DLGAP2: variants seen among roughly 807,000 people sequenced by gnomAD.
DLGAP2 encodes disks large-associated protein 2.
In DLGAP2, 26 loss-of-function variants were observed where a neutral mutation model predicts 100.3. The observed-to-expected ratio is 0.26, with a 90% CI of 0.19 to 0.36. The LOEUF (loss-of-function observed/expected upper bound fraction) is 0.36, where lower values mean the gene tolerates loss of function less well. Ranked by LOEUF, DLGAP2 falls within the 10% of genes least tolerant of loss-of-function variation. The probability of loss-of-function intolerance (pLI) is 1.00; values close to 1 mark genes in which losing one functional copy is unlikely to be tolerated. For synonymous variants in DLGAP2, 886 were observed against 630.1 expected (o/e 1.41, Z -6.08); for missense variants, 1,858 against 1,453.2 (o/e 1.28, Z -4.53).
chr8:1,278,361 C>A, intron 3 of DLGAP2, among the ~76,000 whole-genome samples: 1 of 152,190 alleles, frequency 6.6e-6, no homozygotes, highest in Admixed American at 6.5e-5. Flanking sequence ...GGACTCTGCT[C>A]CCCATGTCAT....
chr8:1,635,607 A>G (rs1380162211), intron 8 of DLGAP2, among the ~76,000 whole-genome samples: 2 of 152,206 alleles, frequency 1.3e-5, no homozygotes, highest in East Asian at 1.9e-4. Context: ...CCAAAGAGTT[A>G]TTTTTGAAAA....
intron 2 of DLGAP2, among the ~76,000 whole-genome samples, chr8:1,044,764 T>C (rs1802470376): frequency 6.6e-6 from 1 of 152,200 alleles, no homozygotes; most frequent in Admixed American, 6.5e-5. Flanking sequence ...GGCTGCTCCA[T>C]ACCCCCTCGC....
chr8:881,072 T>C (rs969734560), intron 1 of DLGAP2, among the ~76,000 whole-genome samples: 1 of 152,236 alleles, frequency 6.6e-6, no homozygotes, highest in African/African-American at 2.4e-5. Flanking sequence ...TCAGGTGATA[T>C]TCACAAGAAT....
At chr8:1,381,138 G>T (rs1176144521) in intron 3 of DLGAP2, 1 of 152,052 alleles carries the variant, frequency 6.6e-6, no homozygotes, top group Non-Finnish European at 1.5e-5. Flanking sequence ...GACGGAAAAG[G>T]CTTCATACGT....
intron 2 of DLGAP2, among the ~76,000 whole-genome samples, chr8:1,191,121 A>G (rs1243192982): frequency 6.6e-6 from 1 of 151,996 alleles, no homozygotes; most frequent in East Asian, 1.9e-4. Context: ...GTCTTGCAAT[A>G]CATTTTGTGA....
intron 1 of DLGAP2, among the ~76,000 whole-genome samples, chr8:857,408 C>T (rs966786720): frequency 2.6e-5 from 4 of 152,130 alleles, no homozygotes; most frequent in East Asian, 1.9e-4. Flanking sequence ...AAGTCCAGAC[C>T]GGGAGAAAAT....
chr8:1,257,308 CCT>C (rs1354530898), intron 2 of DLGAP2, among the ~76,000 whole-genome samples: 2 of 152,252 alleles, frequency 1.3e-5, no homozygotes, highest in Non-Finnish European at 2.9e-5. Flanking sequence ...ACCATGAGAG[CCT>C]GTGAGGCTCT....
rs374772912 is a variant in DLGAP2 at position 1,416,745 on chromosome 8, G to A, written c.107-84621G>A. Among the ~76,000 whole-genome samples, 91 of 152,300 alleles carry A rather than the reference G, an allele frequency of 6.0e-4. 1 individual carries two copies. Among genetic ancestry groups the A allele is most frequent in the African/African-American group, 2.1e-3 (87 of 41,578 alleles). On this transcript the variant is annotated intron_variant, in intron 3 of 14. Coordinates refer to ENST00000637795, the MANE Select transcript of DLGAP2 (RefSeq NM_001346810.2). ...AAACCAGGTAGTAAGAAAAGGAATC[G>A]GACGTGTTGGCTGCTTAAGAGGAGA...
At chr8:840,534 T>C (rs1796962541) in intron 1 of DLGAP2, among the ~76,000 whole-genome samples, 1 of 83,982 alleles carries the variant, frequency 1.2e-5, no homozygotes, top group African/African-American at 4.3e-5. Context: ...CGCCTGCACG[T>C]CTCCCCACAC....
intron 2 of DLGAP2, among the ~76,000 whole-genome samples, chr8:1,128,190 G>A (rs1180952012): frequency 1.3e-5 from 2 of 151,496 alleles, no homozygotes; most frequent in Non-Finnish European, 1.5e-5. Flanking sequence ...CCTGCTCCCC[G>A]TGTTGTGTTC....
At chr8:1,496,373 A>T (rs891397564) in intron 3 of DLGAP2, among the ~76,000 whole-genome samples, 1 of 151,920 alleles carries the variant, frequency 6.6e-6, no homozygotes, top group Non-Finnish European at 1.5e-5. Context: ...TCCTCTGAGT[A>T]TGCGCTCTGC....
intron 2 of DLGAP2, among the ~76,000 whole-genome samples, chr8:1,113,720 C>T (rs1430478086): frequency 6.6e-6 from 1 of 152,116 alleles, no homozygotes; most frequent in African/African-American, 2.4e-5. Context: ...CTGGCCAGAA[C>T]TTCCAATACT....
chr8:1,476,208 C>G lies in DLGAP2; in HGVS notation c.107-25158C>G, dbSNP rs141185544. ...TGCTTTCATGGATGCGTGGCTCGTC[C>G]TGGTACATCTCTTAGCTTTTAGTTC... On this transcript the variant is annotated intron_variant, in intron 3 of 14. Coordinates refer to ENST00000637795, the MANE Select transcript of DLGAP2 (RefSeq NM_001346810.2). Among the ~76,000 whole-genome samples, 19 of 152,308 alleles carry G rather than the reference C, an allele frequency of 1.2e-4. No homozygotes were observed. The East Asian group carries it at 3.7e-3, about 29-fold the overall frequency.
intron 1 of DLGAP2, among the ~76,000 whole-genome samples, chr8:818,614 C>T (rs917357158): frequency 3.3e-5 from 5 of 152,184 alleles, no homozygotes; most frequent in Admixed American, 2.6e-4. Flanking sequence ...TCTGTACATC[C>T]GAGTGGGAGC....
At chr8:1,038,985 A>G (rs536298088) in intron 2 of DLGAP2, among the ~76,000 whole-genome samples, 18 of 152,340 alleles carry the variant, frequency 1.2e-4, no homozygotes, top group African/African-American at 4.1e-4. Flanking sequence ...CTGAAATCAT[A>G]TAGCCTGTTA....
intron 2 of DLGAP2, among the ~76,000 whole-genome samples, chr8:1,106,605 C>T (rs1332852830): frequency 6.7e-6 from 1 of 148,372 alleles, no homozygotes; most frequent in Non-Finnish European, 1.5e-5. Flanking sequence ...CTGAAGGAAG[C>T]CATTCTAGGA....
rs117847551 is a variant in DLGAP2, at chr8:811,965, C to T, written c.18+74140C>T. 2.6e-4 allele frequency among the ~76,000 whole-genome samples: 40 copies of T among 152,344 alleles called. No homozygotes were observed. In the East Asian group the frequency reaches 6.2e-3, roughly 24 times the overall value. ...TTCCTTGACTCTCCGTCAAACACGA[C>T]ATGATTGGCACTGGCCGGAATTCTG... On this transcript the variant is annotated intron_variant, in intron 1 of 14. Transcript: ENST00000637795.
At chr8:1,017,668 G>C (rs895916487) in intron 2 of DLGAP2, among the ~76,000 whole-genome samples, 1 of 152,044 alleles carries the variant, frequency 6.6e-6, no homozygotes, top group African/African-American at 2.4e-5. Flanking sequence ...GTGTGACCAG[G>C]AGCCTTTTGG....
At chr8:796,075 C>T (rs113930311) in intron 1 of DLGAP2, among the ~76,000 whole-genome samples, 55 of 90,070 alleles carry the variant, frequency 6.1e-4, no homozygotes, top group South Asian at 1.4e-3. Flanking sequence ...TGAGAGCAGG[C>T]GTCCAGTGAG....
Sources: gnomAD v4.1 joint callset for allele counts (sites outside exome capture counted in the v4.1 genomes callset) on GRCh38, gnomAD v4.1.1 for gene constraint, MANE v1.5 for transcripts, NCBI Gene and HGNC (gene_info 2026-07-23, HGNC 2026-07-21) for gene names.